CDH11: variants seen among roughly 807,000 people sequenced by gnomAD.
CDH11 encodes cadherin 11.
A neutral mutation model predicts 67.8 loss-of-function variants in CDH11; 11 were observed. That is an observed-to-expected ratio of 0.16 (90% CI 0.10 to 0.27). The LOEUF is 0.27. Among genes scored for constraint, CDH11 ranks in the 10% least tolerant of loss-of-function variants. The pLI is 1.00. For synonymous variants in CDH11, 419 were observed against 400.0 expected (o/e 1.05, Z -0.57); for missense variants, 847 against 1,031.2 (o/e 0.82, Z 2.45).
At chr16:65,055,610 A>T (rs1750368505) in intron 1 of CDH11, among the ~76,000 whole-genome samples, 1 of 152,226 alleles carries the variant, frequency 6.6e-6, no homozygotes, top group African/African-American at 2.4e-5. Context: ...AATCTCATCC[A>T]TACTGATTGT....
rs550202202 is a variant in CDH11, at chr16:65,095,896, C to T, written c.-298+25984G>A. 2.6e-5 allele frequency among the ~76,000 whole-genome samples: 4 copies of T among 152,286 alleles called. No homozygotes were observed. In the South Asian group the frequency reaches 8.3e-4, roughly 32 times the overall value. On this transcript the variant is annotated intron_variant, in intron 1 of 12. Transcript: ENST00000268603. ...TTATAAAAGTGAATCAAAAGAGCTC[C>T]CTGCCTCTTCCACTATTTGAGAAGG...
intron 11 of CDH11, among the ~76,000 whole-genome samples, chr16:64,961,710 G>T (rs2142398991): frequency 6.6e-6 from 1 of 152,134 alleles, no homozygotes; most frequent in East Asian, 1.9e-4. Flanking sequence ...AATGATTGTT[G>T]TTTGGAATAA....
chr16:64,972,135 G>A (rs1313431640), intron 9 of CDH11, 71 bp from the exon 10 acceptor site: 3 of 1,421,960 alleles, frequency 2.1e-6, no homozygotes, highest in Non-Finnish European at 3.0e-6. Flanking sequence ...CATATTCTTG[G>A]GAAAGAGTAA....
At chr16:65,061,871 AT>A (rs1387063123) in intron 1 of CDH11, among the ~76,000 whole-genome samples, 19 of 152,114 alleles carry the variant, frequency 1.2e-4, no homozygotes, top group African/African-American at 4.1e-4. Flanking sequence ...ACAACACACA[AT>A]TTCATCTTAT....
At chr16:64,971,864 G>A in intron 10 of CDH11, 67 bp downstream of exon 10, 1 of 1,558,894 alleles carries the variant, frequency 6.4e-7, no homozygotes, top group Non-Finnish European at 8.8e-7. Context: ...TCCAAGTGAT[G>A]GTTTAAAAAA....
intron 1 of CDH11, among the ~76,000 whole-genome samples, chr16:65,104,925 T>C (rs1456086149): frequency 6.6e-6 from 1 of 152,194 alleles, no homozygotes; most frequent in Non-Finnish European, 1.5e-5. Context: ...AAGAATTAAA[T>C]ATTTGGGGGA....
intron 8 of CDH11, among the ~76,000 whole-genome samples, chr16:64,975,528 G>C (rs1305940922): frequency 6.6e-6 from 1 of 152,158 alleles, no homozygotes; most frequent in East Asian, 1.9e-4. Context: ...GATGATGAAA[G>C]CCCAAGTAGG....
At chr16:65,089,943 C>CT (rs2074767749) in intron 1 of CDH11, among the ~76,000 whole-genome samples, 1 of 151,952 alleles carries the variant, frequency 6.6e-6, no homozygotes, top group African/African-American at 2.4e-5. Context: ...TTTAAGTGAA[C>CT]ATACAAAAAA....
At chr16:65,120,794 C>T (rs1422517196) in intron 1 of CDH11, among the ~76,000 whole-genome samples, 1 of 152,124 alleles carries the variant, frequency 6.6e-6, no homozygotes, top group Non-Finnish European at 1.5e-5. Flanking sequence ...GAAAGCAGGG[C>T]CTCGGCAAAA....
chr16:65,074,243 G>C (rs1324578341), intron 1 of CDH11, among the ~76,000 whole-genome samples: 1 of 152,082 alleles, frequency 6.6e-6, no homozygotes, highest in Non-Finnish European at 1.5e-5. Context: ...CTCCAAAGGG[G>C]ACACATTGCT....
Position 65,093,987 on chromosome 16 carries a change from G to A in CDH11, c.-298+27893C>T, listed in dbSNP as rs1008432733. ...ACTAAAGCTCTAAGCAAGCCTCCAG[G>A]AGAAAGATGGACTCCCAATGATTGG... On this transcript the variant is annotated intron_variant, in intron 1 of 12. Transcript: ENST00000268603. Among the ~76,000 whole-genome samples, 4 of 152,156 alleles carry A rather than the reference G, an allele frequency of 2.6e-5. No homozygotes were observed. In the East Asian group the frequency reaches 7.7e-4, roughly 29 times the overall value.
chr16:65,048,189 T>C (rs1023254404), intron 2 of CDH11, among the ~76,000 whole-genome samples: 10 of 152,208 alleles, frequency 6.6e-5, no homozygotes, highest in African/African-American at 1.7e-4. Flanking sequence ...ACTCACTGGA[T>C]ACATTCAGTC....
At chr16:65,010,506 G>A (rs1429532937) in intron 2 of CDH11, among the ~76,000 whole-genome samples, 1 of 152,078 alleles carries the variant, frequency 6.6e-6, no homozygotes, top group Non-Finnish European at 1.5e-5. Flanking sequence ...TAGACTTGGA[G>A]CAAGGCATAA....
At chr16:65,117,262 C>T (rs1233713126) in intron 1 of CDH11, among the ~76,000 whole-genome samples, 3 of 152,172 alleles carry the variant, frequency 2.0e-5, no homozygotes, top group Non-Finnish European at 4.4e-5. Flanking sequence ...TGCTGAATCA[C>T]CAGGGAGGCA....
rs2071201463 is a variant in CDH11, at chr16:64,946,544, G to A, written c.*1059C>T. On this transcript the variant is annotated 3_prime_UTR_variant, in exon 13 of 13. Transcript: ENST00000268603. ...TTCTTTTTTAGAAGATGTGTGTGAA[G>A]AGAAGCCAGGAGGTTAACACCAAGA... 2 of 1,031,950 alleles carry A rather than the reference G, an allele frequency of 1.9e-6. No individual in the cohort carries two copies. The highest frequency in any genetic ancestry group is 1.7e-5 in the African/African-American group (1 of 59,242). The allele number at this position is 1,031,950 out of a possible 1,614,324, so 63.9% of individuals were successfully genotyped here.
chr16:65,051,244 A>C (rs544627944), intron 2 of CDH11, among the ~76,000 whole-genome samples: 174 of 152,292 alleles, frequency 1.1e-3, no homozygotes, highest in Non-Finnish European at 2.1e-3. Flanking sequence ...CCTCACGTTG[A>C]AATGTCCTCC....
At position 64,946,137 on chromosome 16, in the gene CDH11, T is replaced by G. The variant is rs1596996704; in HGVS notation, c.*1466A>C. 1.1e-5 allele frequency: 12 copies of G among 1,055,622 alleles called. No homozygotes were observed. The East Asian group carries it at 6.4e-4, about 56-fold the overall frequency. 65.4% of individuals were successfully genotyped at this position (1,055,622 alleles called of 1,614,324 possible). On this transcript the variant is annotated 3_prime_UTR_variant, in exon 13 of 13. Coordinates refer to ENST00000268603, the MANE Select transcript of CDH11 (RefSeq NM_001797.4). The stretch of plus-strand genomic sequence containing the variant: ...TCTGAGCTTACGGCCCCAAGCATAT[T>G]CTAAACAAAGCTTTTTTAAATGAAT...
chr16:65,111,799 C>T (rs935138619), intron 1 of CDH11, among the ~76,000 whole-genome samples: 5 of 151,860 alleles, frequency 3.3e-5, no homozygotes, highest in East Asian at 1.9e-4. Flanking sequence ...CAACAGGGCG[C>T]GGTGGTTCAC....
At chr16:65,086,886 A>G (rs1488127164) in intron 1 of CDH11, among the ~76,000 whole-genome samples, 42 of 152,210 alleles carry the variant, frequency 2.8e-4, no homozygotes, top group South Asian at 2.1e-4. Flanking sequence ...GACATTATAC[A>G]AATTATAGAC....
Sources: allele counts gnomAD v4.1 joint callset (sites outside exome capture counted in the v4.1 genomes callset), GRCh38; gene constraint gnomAD v4.1.1; transcripts MANE v1.5; gene names NCBI Gene and HGNC (gene_info 2026-07-23, HGNC 2026-07-21).